The following HS6ST3 variants were observed in gnomAD, a reference collection of about 807,000 sequenced individuals.
HS6ST3 encodes the protein heparan sulfate 6-O-sulfotransferase 3.
In HS6ST3, 12 loss-of-function variants were observed where a neutral mutation model predicts 36.7. The ratio of observed to expected loss-of-function variants is 0.33; its 90% CI spans 0.21 to 0.53. HS6ST3 has a LOEUF of 0.53. HS6ST3 is among the 20% of genes least tolerant of loss of function. HS6ST3 has a pLI of 0.95. For synonymous variants in HS6ST3, 240 were observed against 257.5 expected (o/e 0.93, Z 0.65); for missense variants, 584 against 640.9 (o/e 0.91, Z 0.96).
rs951537597 is a variant in HS6ST3 at position 96,090,167 on chromosome 13, C to G, written c.-696C>G. On this transcript the variant is annotated 5_prime_UTR_variant, in exon 1 of 2. Coordinates refer to ENST00000376705, the MANE Select transcript of HS6ST3 (RefSeq NM_153456.4). ...GTGTGCGAGTGTGTCTGCGTGCCTG[C>G]GCCTGGGCGGACAGCCCGGAGCGGC... Among the ~76,000 whole-genome samples, 1 of 152,016 alleles carries G rather than the reference C, an allele frequency of 6.6e-6. No individual in the cohort carries two copies. Among genetic ancestry groups the G allele is most frequent in the Non-Finnish European group, 1.5e-5 (1 of 67,934 alleles).
intron 1 of HS6ST3, among the ~76,000 whole-genome samples, chr13:96,330,589 G>A (rs1404930774): frequency 2.8e-4 from 42 of 151,860 alleles, no homozygotes; most frequent in African/African-American, 9.9e-4. Context: ...AGGGTAACCC[G>A]ACCTTTCTCT....
At chr13:96,343,159 T>A (rs1416902336) in intron 1 of HS6ST3, among the ~76,000 whole-genome samples, 1 of 152,238 alleles carries the variant, frequency 6.6e-6, no homozygotes, top group Non-Finnish European at 1.5e-5. Context: ...GCTATCTTGC[T>A]ACCCTTTATC....
At position 96,166,555 on chromosome 13, in the gene HS6ST3, TTTTCTTTC is replaced by T. The variant is rs202025774; in HGVS notation, c.707+75002_707+75009del. ...ATTTTATAACTTGGTTCTTTTTTGC[TTTTCTTTC>T]TTTCTTTCTTTCTTTTTTTTTTTTT... On this transcript the variant is annotated intron_variant, in intron 1 of 1. Coordinates refer to ENST00000376705, the MANE Select transcript of HS6ST3 (RefSeq NM_153456.4). Among the ~76,000 whole-genome samples the T allele has an allele frequency of 9.3e-5, 14 of 151,146 alleles. No homozygotes were observed. In the East Asian group the frequency reaches 1.4e-3, roughly 15 times the overall value.
At chr13:96,661,174 A>T (rs554809000) in intron 1 of HS6ST3, among the ~76,000 whole-genome samples, 2 of 152,102 alleles carry the variant, frequency 1.3e-5, no homozygotes, top group Admixed American at 6.5e-5. Flanking sequence ...CAACTTGCAG[A>T]TGGCCTATCA....
chr13:96,761,454 A>G (rs1208577582), intron 1 of HS6ST3, among the ~76,000 whole-genome samples: 1 of 151,622 alleles, frequency 6.6e-6, no homozygotes. Flanking sequence ...ATATTATTCC[A>G]TATTTTTTCA....
intron 1 of HS6ST3, among the ~76,000 whole-genome samples, chr13:96,735,653 G>A (rs970501671): frequency 3.9e-5 from 6 of 152,074 alleles, no homozygotes; most frequent in Admixed American, 1.3e-4. Context: ...AGTTCTTTGC[G>A]CTAAACCAAT....
intron 1 of HS6ST3, among the ~76,000 whole-genome samples, chr13:96,593,728 T>A (rs1028057268): frequency 6.6e-6 from 1 of 151,966 alleles, no homozygotes; most frequent in African/African-American, 2.4e-5. Context: ...TTGAGGTGCA[T>A]ATATATTTAT....
chr13:96,779,023 C>T (rs941169496), intron 1 of HS6ST3, among the ~76,000 whole-genome samples: 2 of 151,974 alleles, frequency 1.3e-5, no homozygotes, highest in South Asian at 2.1e-4. Context: ...TTTGCAGGGA[C>T]GTGGATGAAG....
At chr13:96,123,372 T>G (rs1309466483) in intron 1 of HS6ST3, among the ~76,000 whole-genome samples, 1 of 152,208 alleles carries the variant, frequency 6.6e-6, no homozygotes, top group Non-Finnish European at 1.5e-5. Flanking sequence ...TACCATCAAC[T>G]GATGAGTAAA....
In HS6ST3 at chr13:96,754,351, G is replaced by A. The variant is rs1876773382; in HGVS notation, c.708-78139G>A. Among the ~76,000 whole-genome samples, 7 of 152,096 alleles carry A rather than the reference G, an allele frequency of 4.6e-5. No homozygotes were observed. The South Asian group carries it at 1.5e-3, about 32-fold the overall frequency. Reference sequence around the variant, plus strand: ...CATTTTGTAATTATGGCATAAACTAGGTTTGATCATACATAATGCTATTGT... The same window carrying A: ...CATTTTGTAATTATGGCATAAACTAAGTTTGATCATACATAATGCTATTGT... On this transcript the variant is annotated intron_variant, in intron 1 of 1. Transcript: ENST00000376705.
At chr13:96,284,676 A>G (rs2054791746) in intron 1 of HS6ST3, among the ~76,000 whole-genome samples, 1 of 152,172 alleles carries the variant, frequency 6.6e-6, no homozygotes, top group Non-Finnish European at 1.5e-5. Context: ...AATCCAGTCA[A>G]GTTAACACTT....
chr13:96,301,213 T>C (rs1319503615), intron 1 of HS6ST3, among the ~76,000 whole-genome samples: 4 of 152,204 alleles, frequency 2.6e-5, no homozygotes, highest in African/African-American at 4.8e-5. Flanking sequence ...TCCTCCTATA[T>C]ACAGTTAAAC....
intron 1 of HS6ST3, among the ~76,000 whole-genome samples, chr13:96,777,182 G>A (rs1406581067): frequency 6.6e-6 from 1 of 152,074 alleles, no homozygotes; most frequent in Non-Finnish European, 1.5e-5. Context: ...GGTACTGATG[G>A]AACGTATCTC....
intron 1 of HS6ST3, among the ~76,000 whole-genome samples, chr13:96,682,365 T>G (rs2056721372): frequency 6.6e-6 from 1 of 152,186 alleles, no homozygotes; most frequent in Non-Finnish European, 1.5e-5. Context: ...TCTTGCCTCC[T>G]GAAGCTAAAT....
At chr13:96,229,229 G>A (rs1395173785) in intron 1 of HS6ST3, among the ~76,000 whole-genome samples, 3 of 152,190 alleles carry the variant, frequency 2.0e-5, no homozygotes, top group African/African-American at 7.2e-5. Context: ...TCACTTTGGT[G>A]CTAGACAGCA....
intron 1 of HS6ST3, among the ~76,000 whole-genome samples, chr13:96,356,473 G>A (rs947197335): frequency 1.3e-5 from 2 of 152,172 alleles, no homozygotes; most frequent in Admixed American, 1.3e-4. Context: ...TGTGTTAGCA[G>A]TAGCAGCATG....
chr13:96,205,886 C>T (rs1483993867), intron 1 of HS6ST3, among the ~76,000 whole-genome samples: 1 of 152,084 alleles, frequency 6.6e-6, no homozygotes, highest in Non-Finnish European at 1.5e-5. Flanking sequence ...TGGAAGCATT[C>T]CCCTTGAAAA....
chr13:96,333,984 C>A (rs1199423532), intron 1 of HS6ST3, among the ~76,000 whole-genome samples: 3 of 152,036 alleles, frequency 2.0e-5, no homozygotes, highest in Non-Finnish European at 4.4e-5. Context: ...GGTTCTGGGA[C>A]ATAGGGTACC....
intron 1 of HS6ST3, among the ~76,000 whole-genome samples, chr13:96,609,872 C>T (rs2056451385): frequency 6.6e-6 from 1 of 152,166 alleles, no homozygotes; most frequent in Admixed American, 6.5e-5. Flanking sequence ...CTAGCAAGGG[C>T]AATATAGCCT....
Sources: gnomAD v4.1 joint callset for allele counts (sites outside exome capture counted in the v4.1 genomes callset) on GRCh38, gnomAD v4.1.1 for gene constraint, MANE v1.5 for transcripts, NCBI Gene and HGNC (gene_info 2026-07-23, HGNC 2026-07-21) for gene names.